The following SMAD3 variants were observed in gnomAD, a reference collection of about 807,000 sequenced individuals.
The protein encoded by SMAD3 is MAD homolog 3.
In SMAD3, 12 loss-of-function variants were observed where a neutral mutation model predicts 51.8. The ratio of observed to expected loss-of-function variants is 0.23; its 90% CI spans 0.15 to 0.38. SMAD3 has a LOEUF of 0.38. Among genes scored for constraint, SMAD3 ranks in the 10% least tolerant of loss-of-function variants. The probability of loss-of-function intolerance (pLI) is 1.00; values close to 1 mark genes in which losing one functional copy is unlikely to be tolerated. For missense variants in SMAD3, 294 were observed against 565.6 expected (o/e 0.52, Z 4.87); for synonymous variants, 238 against 227.7 (o/e 1.05, Z -0.41).
chr15:67,088,585 G>C (rs73481443), intron 1 of SMAD3, among the ~76,000 whole-genome samples: 5,610 of 152,262 alleles, frequency 0.037, 380 homozygotes, highest in African/African-American at 0.13. Flanking sequence ...TGCTAGGAAG[G>C]CTATTTCAGA....
intron 1 of SMAD3, among the ~76,000 whole-genome samples, chr15:67,142,420 C>A (rs190819397): frequency 6.6e-6 from 1 of 152,236 alleles, no homozygotes; most frequent in Non-Finnish European, 1.5e-5. Flanking sequence ...GACAAATCAC[C>A]AATGGGTTGG....
intron 1 of SMAD3, among the ~76,000 whole-genome samples, chr15:67,066,654 A>C (rs1959927143): frequency 6.6e-6 from 1 of 151,706 alleles, no homozygotes. Flanking sequence ...TTGCTGCGGG[A>C]CTCGGCCGCC....
chr15:67,141,760 C>T (rs918152668), intron 1 of SMAD3, among the ~76,000 whole-genome samples: 1 of 152,152 alleles, frequency 6.6e-6, no homozygotes, highest in Non-Finnish European at 1.5e-5. Context: ...TGAGTCCACC[C>T]CCCATACACC....
At position 67,160,770 on chromosome 15, in the gene SMAD3, CAAAAAAAAAAAAAAAAAAAAAAAAAA is replaced by C. The variant is rs547354315; in HGVS notation, c.207-4108_207-4083del. 4.3e-3 allele frequency among the ~76,000 whole-genome samples: 262 copies of C among 61,040 alleles called. 2 individuals carry two copies. The highest frequency in any genetic ancestry group is 0.017 in the African/African-American group (231 of 13,632). 40.0% of individuals were successfully genotyped at this position (61,040 alleles called of 152,430 possible). A position where few individuals can be genotyped will look rare whatever the true frequency, so the allele number is the denominator to read the frequency against. ...TGGGCGACAGAGCGAGACTCCATCT[CAAAAAAAAAAAAAAAAAAAAAAAAAA>C]AAAAAAAAAAAAAAAAGAAGATTGA... On this transcript the variant is annotated intron_variant, in intron 1 of 8. Transcript: ENST00000327367.
Position 67,194,530 on chromosome 15 carries a change from AGT to A in SMAD3, c.*3995_*3996del, listed in dbSNP as rs1272433144. On this transcript the variant is annotated 3_prime_UTR_variant, in exon 9 of 9. Coordinates refer to ENST00000327367, the MANE Select transcript of SMAD3 (RefSeq NM_005902.4). ...TTAATGCAGAAGTAATGTATACTCTAGTATTCTGGTGTTTTTATATTTATGTA... is the reference window on the plus strand; with the variant it reads ...TTAATGCAGAAGTAATGTATACTCTAATTCTGGTGTTTTTATATTTATGTA... 1 of 232,700 alleles carries A rather than the reference AGT, an allele frequency of 4.3e-6. No homozygotes were observed. Among genetic ancestry groups the A allele is most frequent in the Non-Finnish European group, 8.5e-6 (1 of 117,786 alleles). 14.4% of individuals were successfully genotyped at this position (232,700 alleles called of 1,614,324 possible). A position where few individuals can be genotyped will look rare whatever the true frequency, so the allele number is the denominator to read the frequency against.
At chr15:67,098,287 C>T in intron 1 of SMAD3, among the ~76,000 whole-genome samples, 1 of 150,896 alleles carries the variant, frequency 6.6e-6, no homozygotes, top group East Asian at 2.0e-4. Context: ...ACTGCCCCCC[C>T]ACCCCACCAC....
At chr15:67,156,704 TGTG>T (rs10584805) in intron 1 of SMAD3, among the ~76,000 whole-genome samples, 130,922 of 151,644 alleles carry the variant, frequency 0.86, 56,557 homozygotes, top group Middle Eastern at 0.89. Flanking sequence ...CTCATGCTTC[TGTG>T]GTGGCTTACC....
At chr15:67,109,566 C>T (rs555219936) in intron 1 of SMAD3, among the ~76,000 whole-genome samples, 1 of 152,190 alleles carries the variant, frequency 6.6e-6, no homozygotes, top group South Asian at 2.1e-4. Flanking sequence ...CCTTGTTTCT[C>T]AGTAGCAATG....
chr15:67,167,274 C>G (rs1962617406), intron 4 of SMAD3, among the ~76,000 whole-genome samples: 1 of 152,148 alleles, frequency 6.6e-6, no homozygotes, highest in Admixed American at 6.5e-5. Context: ...GCAGGACAGC[C>G]TGGTGCATTC....
At chr15:67,126,045 G>A (rs1443032540) in intron 1 of SMAD3, 6 of 844,680 alleles carry the variant, frequency 7.1e-6, no homozygotes, top group Non-Finnish European at 7.1e-6. Flanking sequence ...CTGAGAAGCA[G>A]AAACTGTATG....
At chr15:67,142,685 G>T in intron 1 of SMAD3, 1 of 310,386 alleles carries the variant, frequency 3.2e-6, no homozygotes, top group Non-Finnish European at 6.5e-6. Flanking sequence ...CAGAGGCCTG[G>T]TAACGGCAGA....
intron 1 of SMAD3, among the ~76,000 whole-genome samples, chr15:67,125,166 C>G (rs1440507189): frequency 1.3e-5 from 2 of 152,216 alleles, no homozygotes; most frequent in Non-Finnish European, 2.9e-5. Flanking sequence ...CCAGGCCCAC[C>G]CACTGCTGGG....
intron 1 of SMAD3, among the ~76,000 whole-genome samples, chr15:67,104,407 A>G (rs1191332714): frequency 6.6e-6 from 1 of 152,226 alleles, no homozygotes; most frequent in East Asian, 1.9e-4. Context: ...GCTTCTAGGA[A>G]GGGCCTGCCC....
intron 1 of SMAD3, chr15:67,137,957 G>C: frequency 8.6e-7 from 1 of 1,158,818 alleles, no homozygotes; most frequent in Non-Finnish European, 1.3e-6. Context: ...CGGACTTCTA[G>C]GAAGGGCTGT....
At chr15:67,142,202 C>CCCCCG in intron 1 of SMAD3, among the ~76,000 whole-genome samples, 1 of 150,560 alleles carries the variant, frequency 6.6e-6, no homozygotes, top group South Asian at 2.1e-4. Flanking sequence ...TCCCCACACC[C>CCCCCG]CCCCCACCAT....
intron 1 of SMAD3, among the ~76,000 whole-genome samples, chr15:67,148,807 AG>A (rs1962047188): frequency 6.6e-6 from 1 of 152,246 alleles, no homozygotes; most frequent in African/African-American, 2.4e-5. Context: ...GAAGCTTACC[AG>A]TTGCTGATGC....
chr15:67,088,572 C>T (rs1225227017), intron 1 of SMAD3, among the ~76,000 whole-genome samples: 3 of 152,098 alleles, frequency 2.0e-5, no homozygotes, highest in Non-Finnish European at 4.4e-5. Context: ...TTTAATTCAG[C>T]GCTGCTAGGA....
intron 5 of SMAD3, 77 bp downstream of exon 5, chr15:67,170,681 C>T (rs1384568647): frequency 1.5e-6 from 2 of 1,301,064 alleles, no homozygotes; most frequent in Middle Eastern, 1.8e-4. Context: ...GGGGAGGGGG[C>T]CCTGAAGGTA....
intron 1 of SMAD3, among the ~76,000 whole-genome samples, chr15:67,127,493 C>T (rs1342194259): frequency 6.6e-6 from 1 of 152,200 alleles, no homozygotes; most frequent in Admixed American, 6.5e-5. Context: ...GGCCCTCTAC[C>T]TGTGAATCCA....
Sources: allele counts gnomAD v4.1 joint callset (sites outside exome capture counted in the v4.1 genomes callset), GRCh38; gene constraint gnomAD v4.1.1; transcripts MANE v1.5; gene names NCBI Gene and HGNC (gene_info 2026-07-23, HGNC 2026-07-21).